The following PTPRT variants were observed in gnomAD, a reference collection of about 807,000 sequenced individuals.
The protein encoded by PTPRT is protein tyrosine phosphatase receptor type T, also known as receptor-type tyrosine-protein phosphatase T.
Under a neutral mutation model 176.8 loss-of-function variants are expected in PTPRT, and 56 were observed. The observed-to-expected ratio is 0.32, with a 90% CI of 0.26 to 0.40. PTPRT has a LOEUF of 0.40. Ranked by LOEUF, PTPRT falls within the 10% of genes least tolerant of loss-of-function variation. The pLI, the probability that PTPRT is intolerant of heterozygous loss-of-function variation, is 1.00. For synonymous variants in PTPRT, 783 were observed against 739.0 expected, an observed-to-expected ratio of 1.06 and a Z score of -0.96; for missense variants, 1,540 against 1,908.2, an observed-to-expected ratio of 0.81 and a Z score of 3.60.
chr20:42,734,057 C>T (rs543995683), intron 6 of PTPRT, among the ~76,000 whole-genome samples: 1 of 152,320 alleles, frequency 6.6e-6, no homozygotes, highest in South Asian at 2.1e-4. Flanking sequence ...GTCTGAGATG[C>T]TTTTCCCTTA....
intron 11 of PTPRT, among the ~76,000 whole-genome samples, chr20:42,319,400 A>C (rs1043900719): frequency 2.6e-5 from 4 of 152,122 alleles, no homozygotes; most frequent in African/African-American, 9.7e-5. Context: ...AATTACAAAG[A>C]ATAGCAAAGG....
chr20:42,287,975 A>G (rs1471217781), intron 12 of PTPRT, among the ~76,000 whole-genome samples: 1 of 152,014 alleles, frequency 6.6e-6, no homozygotes, highest in African/African-American at 2.4e-5. Flanking sequence ...GATGATACAC[A>G]TAAGAGAATA....
the PTPRT span, among the ~76,000 whole-genome samples, chr20:42,038,462 G>A: frequency 6.6e-6 from 1 of 152,204 alleles, no homozygotes; most frequent in Non-Finnish European, 1.5e-5. Flanking sequence ...AGAAGTTGGT[G>A]TCTGAGCAGG....
chr20:42,733,518 A>G (rs764120488), intron 6 of PTPRT, among the ~76,000 whole-genome samples: 23 of 152,148 alleles, frequency 1.5e-4, no homozygotes, highest in Non-Finnish European at 2.4e-4. Context: ...CCTTCTCGAC[A>G]TAGGCCCTGG....
intron 16 of PTPRT, among the ~76,000 whole-genome samples, chr20:42,176,670 A>G (rs954139109): frequency 6.6e-6 from 1 of 152,218 alleles, no homozygotes; most frequent in East Asian, 1.9e-4. Flanking sequence ...CATTCATAAA[A>G]ATTATAATAA....
rs6016905 is a variant in PTPRT, at chr20:42,845,577, G to T, written c.214+40230C>A. ...AATCCTGGACTCTCCTTGTTGAGAG[G>T]GCACACACCTGCTATACCCACGTGG... is the stretch of plus-strand genomic sequence containing the variant. On this transcript the variant is annotated intron_variant, in intron 2 of 30. Coordinates refer to ENST00000373187, the MANE Select transcript of PTPRT (RefSeq NM_007050.6). 5.0e-3 allele frequency among the ~76,000 whole-genome samples: 754 copies of T among 152,116 alleles called. 5 individuals are homozygous for T. The highest frequency in any genetic ancestry group is 0.017 in the African/African-American group (711 of 41,490).
At chr20:42,612,835 A>C (rs1600471196) in intron 7 of PTPRT, among the ~76,000 whole-genome samples, 1 of 152,230 alleles carries the variant, frequency 6.6e-6, no homozygotes, top group South Asian at 2.1e-4. Flanking sequence ...GATAACCCCC[A>C]AAATGGACCA....
chr20:42,756,741 G>A (rs1232672782), intron 5 of PTPRT, 105 bp from the exon 6 acceptor site: 1 of 998,986 alleles, frequency 1.0e-6, no homozygotes, highest in Non-Finnish European at 1.4e-6. Context: ...TGGGGCTCAA[G>A]ACTTTCCACT....
At chr20:42,901,088 A>G (rs1334170566) in intron 1 of PTPRT, among the ~76,000 whole-genome samples, 1 of 152,080 alleles carries the variant, frequency 6.6e-6, no homozygotes, top group Non-Finnish European at 1.5e-5. Flanking sequence ...TTCGACCCCC[A>G]CATTCTCAAC....
intron 3 of PTPRT, among the ~76,000 whole-genome samples, chr20:42,784,990 A>T (rs1000384849): frequency 1.3e-5 from 2 of 152,322 alleles, no homozygotes; most frequent in South Asian, 4.1e-4. Context: ...AAAATTGCTG[A>T]AAGAATAGAT....
intron 27 of PTPRT, among the ~76,000 whole-genome samples, chr20:42,097,683 C>T (rs78953477): frequency 6.6e-6 from 1 of 152,348 alleles, no homozygotes; most frequent in East Asian, 1.9e-4. Flanking sequence ...CCAAGGCCTG[C>T]ACAAGGCCAG....
intron 1 of PTPRT, among the ~76,000 whole-genome samples, chr20:43,079,716 A>T (rs1409150075): frequency 6.6e-6 from 1 of 152,192 alleles, no homozygotes; most frequent in Non-Finnish European, 1.5e-5. Flanking sequence ...TCATATGTTT[A>T]TATTATCCAA....
chr20:42,184,614 T>TCTTCTTCTTCTTCTTCTTCTTCTTCTC (rs1990692690), intron 16 of PTPRT, among the ~76,000 whole-genome samples: 2 of 142,570 alleles, frequency 1.4e-5, no homozygotes, highest in African/African-American at 5.6e-5. Context: ...TTCTTCTTCT[T>TCTTCTTCTTCTTCTTCTTCTTCTTCTC]CTCCTCCTTC....
At chr20:42,443,637 C>T (rs1421916342) in intron 9 of PTPRT, among the ~76,000 whole-genome samples, 1 of 152,166 alleles carries the variant, frequency 6.6e-6, no homozygotes, top group Non-Finnish European at 1.5e-5. Flanking sequence ...TTTGAGGCTG[C>T]TGCAGAATGA....
At chr20:42,682,695 G>A (rs924530665) in intron 6 of PTPRT, among the ~76,000 whole-genome samples, 5 of 152,190 alleles carry the variant, frequency 3.3e-5, no homozygotes, top group South Asian at 4.1e-4. Flanking sequence ...AAAGCGCTGC[G>A]AGGACAAGGA....
intron 3 of PTPRT, among the ~76,000 whole-genome samples, chr20:42,789,753 G>C (rs1052658094): frequency 6.6e-6 from 1 of 152,098 alleles, no homozygotes; most frequent in Non-Finnish European, 1.5e-5. Context: ...AATATGTATG[G>C]CAAAAATCCA....
chr20:42,555,789 G>A (rs936138379), intron 7 of PTPRT, among the ~76,000 whole-genome samples: 2 of 152,108 alleles, frequency 1.3e-5, no homozygotes, highest in Non-Finnish European at 2.9e-5. Context: ...CGTCTACCAT[G>A]AAAATGAAAT....
intron 9 of PTPRT, among the ~76,000 whole-genome samples, chr20:42,446,991 G>A (rs1020103832): frequency 7.2e-5 from 11 of 152,076 alleles, no homozygotes. Context: ...TGTACATGTT[G>A]GATAATCTTC....
chr20:42,271,237 A>G (rs1198928782), intron 13 of PTPRT, among the ~76,000 whole-genome samples: 1 of 152,080 alleles, frequency 6.6e-6, no homozygotes, highest in East Asian at 1.9e-4. Context: ...GCTTTCCATT[A>G]TCAACAGCCC....
Sources: allele counts gnomAD v4.1 joint callset (sites outside exome capture counted in the v4.1 genomes callset), GRCh38; gene constraint gnomAD v4.1.1; transcripts MANE v1.5; gene names NCBI Gene and HGNC (gene_info 2026-07-23, HGNC 2026-07-21).